Variants in ABCA7 observed in about 807,000 individuals in gnomAD.
ABCA7 encodes the protein ATP binding cassette subfamily A member 7.
Under a neutral mutation model 227.6 loss-of-function variants are expected in ABCA7, and 261 were observed. The observed-to-expected ratio is 1.15, with a 90% CI of 1.04 to 1.27. The LOEUF is 1.27. ABCA7 is among the 50% of genes most tolerant of loss of function. The probability of loss-of-function intolerance (pLI) is 0.00; values close to 1 mark genes in which losing one functional copy is unlikely to be tolerated. For missense variants in ABCA7, 3,331 were observed against 2,924.5 expected, an observed-to-expected ratio of 1.14 and a Z score of -3.21; for synonymous variants, 1,488 against 1,279.7, an observed-to-expected ratio of 1.16 and a Z score of -3.47.
At position 1,054,459 on chromosome 19, in the gene ABCA7, A is replaced by G. The variant is rs2042064363; in HGVS notation, c.3727-111A>G. On this transcript the variant is annotated intron_variant, in intron 27 of 46. Coordinates refer to ENST00000263094, the MANE Select transcript of ABCA7 (RefSeq NM_019112.4). This position sits in a 1 kb window ranked among gnomAD's most constrained non-coding sequence, Gnocchi z 4.8. ...CGTGTGTATTCCCAACCCAAAGCAC[A>G]TTTATTGAGGGCACTGGGGAGCCAT... is the stretch of plus-strand genomic sequence containing the variant. 1.3e-6 allele frequency: 2 copies of G among 1,558,744 alleles called. No individual in the cohort carries two copies. The highest frequency in any genetic ancestry group is 2.7e-5 in the African/African-American group (2 of 74,216).
rs1235968222 is a variant in ABCA7 at position 1,057,964 on chromosome 19, C to A, written c.4930C>A (p.Pro1644Thr). Residue 1644 changes from proline (P) to threonine (T), a missense_variant, in exon 36 of 47, where the codon CCC becomes ACC. By Grantham distance (38) the Pro-to-Thr change is conservative. Transcript: ENST00000263094. ...MYPASFFFSV[P>T]STAYVVLTCI... Reference sequence around the variant, plus strand: ...CCCAGCCTCCTTCTTCTTCTCCGTGCCCAGCACAGCCTATGTGGTGCTCAC... The same window carrying A: ...CCCAGCCTCCTTCTTCTTCTCCGTGACCAGCACAGCCTATGTGGTGCTCAC... 6.2e-7 allele frequency: 1 copy of A among 1,614,028 alleles called. No homozygotes were observed. Among genetic ancestry groups the A allele is most frequent in the East Asian group, 2.2e-5 (1 of 44,874 alleles).
rs748077030 is a variant in ABCA7 at position 1,042,757 on chromosome 19, G to A, written c.510G>A (p.Gly170=). ...GTCTTTCTCCCCAGGAATCCCTGGG[G>A]TTGGCACTGGGCCAAGCCCAGGAGC... ...LTSLLRTESL[G]LALGQAQEPL... is the part of the protein sequence containing the mutation. The change falls in exon 7 of 47, where the codon GGG becomes GGA. Residue 170 remains glycine (G), a synonymous_variant. Transcript: ENST00000263094. 10 of 1,613,464 alleles carry A rather than the reference G, an allele frequency of 6.2e-6. No homozygotes were observed. In the East Asian group the frequency reaches 2.0e-4, roughly 32 times the overall value.
At position 1,043,423 on chromosome 19, in the gene ABCA7, A is replaced by G; in HGVS notation, c.880A>G (p.Lys294Glu). 6.2e-7 allele frequency: 1 copy of G among 1,613,398 alleles called. No individual in the cohort carries two copies. Among genetic ancestry groups the G allele is most frequent in the Non-Finnish European group, 8.5e-7 (1 of 1,180,012 alleles). ...ACGCCTGAAGCCTCTGATCCTCGGGAAGCTACTCTTTGCACCAGATACACC... is the reference window on the plus strand; with the variant it reads ...ACGCCTGAAGCCTCTGATCCTCGGGGAGCTACTCTTTGCACCAGATACACC... ...WRRLKPLILG[K>E]LLFAPDTPFT... Residue 294 changes from lysine (K) to glutamate (E), a missense_variant, in exon 9 of 47, where the codon AAG (lysine) becomes GAG (glutamate). Transcript: ENST00000263094.
rs1356418072 is a variant in ABCA7 at position 1,065,325 on chromosome 19, A to G, written c.6341A>G (p.Lys2114Arg). 6.2e-7 allele frequency: 1 copy of G among 1,613,594 alleles called. No homozygotes were observed. ...AAGGACGAGGACACCGAAGAGCAGAAGGAGGCAGGAGTGGGAGTGGACCCC... is the reference window on the plus strand; with the variant it reads ...AAGGACGAGGACACCGAAGAGCAGAGGGAGGCAGGAGTGGGAGTGGACCCC... ...QGKDEDTEEQ[K>R]EAGVGVDPAP... Residue 2114 changes from lysine (K) to arginine (R), a missense_variant, in exon 47 of 47, where the codon AAG becomes AGG. Lys to Arg is a conservative substitution (Grantham distance 26, BLOSUM62 2). Coordinates refer to ENST00000263094, the MANE Select transcript of ABCA7 (RefSeq NM_019112.4).
At chr19:1,048,686 G>C (rs2041004877) in intron 16 of ABCA7, among the ~76,000 whole-genome samples, 1 of 150,944 alleles carries the variant, frequency 6.6e-6, no homozygotes, top group South Asian at 2.1e-4. Context: ...GCGGGCGCCT[G>C]TAGTCCCAGC....
At chr19:1,057,467 C>T (rs1431961819) in intron 35 of ABCA7, 38 bp downstream of exon 35, 1 of 1,547,880 alleles carries the variant, frequency 6.5e-7, no homozygotes, top group East Asian at 2.2e-5. Context: ...TTCTTACTGA[C>T]CCCTTACTGC....
In ABCA7 at chr19:1,051,468, G is replaced by C. The variant is rs2041624214; in HGVS notation, c.2844G>C (p.Leu948=). ...TACCAGGTGGGATGCAACGGAAGCT[G>C]TCCGTGGCCATTGCCTTTGTGGGCG... ...RHLSGGMQRK[L]SVAIAFVGGS... The change falls in exon 21 of 47, where the codon CTG becomes CTC. Residue 948 remains leucine (L), a synonymous_variant. Coordinates refer to ENST00000263094, the MANE Select transcript of ABCA7 (RefSeq NM_019112.4). 3 of 1,612,502 alleles carry C rather than the reference G, an allele frequency of 1.9e-6. No individual in the cohort carries two copies. In the East Asian group the frequency reaches 6.7e-5, roughly 36 times the overall value.
At chr19:1,046,766 G>T in intron 13 of ABCA7, 36 bp from the exon 14 acceptor site, 31 of 1,524,018 alleles carry the variant, frequency 2.0e-5, no homozygotes, top group Non-Finnish European at 2.6e-5. Flanking sequence ...GTCTGCGGAG[G>T]GTCTCCAGCC....
Position 1,056,166 on chromosome 19 carries a change from C to T in ABCA7, c.4339C>T (p.Pro1447Ser). Reference protein sequence around the residue: ...EELWALLSPLPGGALDRVLKN... With the variant: ...EELWALLSPLSGGALDRVLKN... ...GTTGTGGGCGCTGCTGAGTCCCCTG[C>T]CTGGCGGGGCCCTCGACCGTGTCCT... is the stretch of plus-strand genomic sequence containing the variant. Residue 1447 changes from proline to serine, a missense_variant, in exon 32 of 47, where the codon CCT (proline) becomes TCT (serine). Coordinates refer to ENST00000263094, the MANE Select transcript of ABCA7 (RefSeq NM_019112.4). The surrounding 1 kb of genome is among the most constrained non-coding windows in gnomAD (Gnocchi z 4.3). The T allele has an allele frequency of 1.2e-6, 2 of 1,608,806 alleles. No homozygotes were observed.
In ABCA7 at chr19:1,057,343, G is replaced by C. The variant is rs575111399; in HGVS notation, c.4794G>C (p.Val1598=). The C allele has an allele frequency of 2.7e-4, 435 of 1,613,926 alleles. 2 individuals carry two copies. The highest frequency in any genetic ancestry group is 1.4e-5 in the Non-Finnish European group (16 of 1,180,020). ...MCNYLVPACI[V]VLIFLAFQQR... is the part of the protein sequence containing the mutation. ...ACTACTTGGTGCCAGCATGCATCGT[G>C]GTGCTCATCTTTCTGGCCTTCCAGC... is the stretch of plus-strand genomic sequence containing the variant. The change falls in exon 35 of 47, where the codon GTG becomes GTC. Residue 1598 remains valine, a synonymous_variant. Transcript: ENST00000263094.
At chr19:1,043,865 G>T (rs4622634) in intron 10 of ABCA7, 24 bp downstream of exon 10, 3 of 1,606,476 alleles carry the variant, frequency 1.9e-6, no homozygotes, top group Non-Finnish European at 8.5e-7. Flanking sequence ...CTGGGGAGGT[G>T]GGATGTGGCT....
At chr19:1,045,273 G>A (rs1319980962) in intron 12 of ABCA7, 42 bp downstream of exon 12, 2 of 1,533,396 alleles carry the variant, frequency 1.3e-6, no homozygotes, top group East Asian at 2.3e-5. Context: ...GACTGGGCGG[G>A]GCCAAGAGCG....
chr19:1,049,048 C>G, intron 17 of ABCA7, 43 bp downstream of exon 17: 1 of 1,107,760 alleles, frequency 9.0e-7, no homozygotes, highest in Non-Finnish European at 1.3e-6. Context: ...CCACATATGC[C>G]CAGTTCCCCC....
At chr19:1,064,123 C>T (rs1439865974) in intron 44 of ABCA7, 38 bp from the exon 45 acceptor site, 3 of 1,521,140 alleles carry the variant, frequency 2.0e-6, no homozygotes, top group Middle Eastern at 2.1e-4. Flanking sequence ...CACAGGTGGC[C>T]CCGGCCTCAC....
intron 12 of ABCA7, among the ~76,000 whole-genome samples, chr19:1,046,016 A>C (rs1461045656): frequency 6.6e-6 from 1 of 152,120 alleles, no homozygotes; most frequent in Non-Finnish European, 1.5e-5. Flanking sequence ...CAAACAAATG[A>C]ATAAATGAAT....
chr19:1,065,293 C>A lies in ABCA7; in HGVS notation c.6309C>A (p.Asp2103Glu). ...AGGTATTCTTGTACTTCTCCAAGGA[C>A]CAGGGGAAGGACGAGGACACCGAAG... ...LEEVFLYFSK[D>E]QGKDEDTEEQ... The change falls in exon 47 of 47, where the codon GAC becomes GAA. Residue 2103 changes from aspartate to glutamate, a missense_variant. Transcript: ENST00000263094. 3 of 1,613,404 alleles carry A rather than the reference C, an allele frequency of 1.9e-6. No homozygotes were observed. The African/African-American group carries it at 4.0e-5, about 22-fold the overall frequency.
At chr19:1,047,412 C>T (rs771091502) in intron 15 of ABCA7, 34 bp downstream of exon 15, 5 of 1,542,774 alleles carry the variant, frequency 3.2e-6, no homozygotes. Context: ...TGGGGGACGC[C>T]CCCCGCTTCG....
Position 1,060,207 on chromosome 19 carries a change from A to ATATATATTTTT in ABCA7, c.5463+1123_5463+1124insATATATTTTTT. ...AGCACACATTGCAGTATATATATAT[A>ATATATATTTTT]TTTTTTTTTCTTTTTTTTTCTTTTG... On this transcript the variant is annotated intron_variant, in intron 40 of 46. Coordinates refer to ENST00000263094, the MANE Select transcript of ABCA7 (RefSeq NM_019112.4). 3.0e-3 allele frequency among the ~76,000 whole-genome samples: 287 copies of ATATATATTTTT among 96,864 alleles called. 8 individuals are homozygous for ATATATATTTTT. The highest frequency in any genetic ancestry group is 9.5e-3 in the African/African-American group (272 of 28,762). The allele number at this position is 96,864 out of a possible 152,430, so 63.5% of individuals were successfully genotyped here.
intron 16 of ABCA7, 42 bp downstream of exon 16, chr19:1,047,696 C>T: frequency 6.5e-7 from 1 of 1,528,816 alleles, no homozygotes; most frequent in Non-Finnish European, 8.8e-7. Context: ...GTCGCACCTG[C>T]TTTGCGGGAG....
Sources: allele counts gnomAD v4.1 joint callset (sites outside exome capture counted in the v4.1 genomes callset), GRCh38; gene constraint gnomAD v4.1.1; non-coding constraint Gnocchi (gnomAD v3.1); transcripts MANE v1.5; gene names NCBI Gene and HGNC (gene_info 2026-07-23, HGNC 2026-07-21).